The following FAF1 variants were observed in gnomAD, a reference collection of about 807,000 sequenced individuals.
The protein encoded by FAF1 is FAS-associated factor 1.
In FAF1, 25 loss-of-function variants were observed where a neutral mutation model predicts 92.5. The ratio of observed to expected loss-of-function variants is 0.27; its 90% CI spans 0.20 to 0.38. The LOEUF is 0.38. Among genes scored for constraint, FAF1 ranks in the 10% least tolerant of loss-of-function variants. FAF1 has a pLI of 1.00. For missense variants in FAF1, 636 were observed against 793.3 expected (o/e 0.80, Z 2.38); for synonymous variants, 234 against 273.2 (o/e 0.86, Z 1.42).
intron 1 of FAF1, among the ~76,000 whole-genome samples, chr1:50,954,574 G>A (rs1211856178): frequency 3.2e-5 from 4 of 126,038 alleles, no homozygotes; most frequent in Admixed American, 1.9e-4. Flanking sequence ...AGAGTCTTAC[G>A]CTGTCACCCA....
chr1:50,689,592 C>A (rs1236021875), intron 7 of FAF1, among the ~76,000 whole-genome samples: 9 of 151,672 alleles, frequency 5.9e-5, no homozygotes, highest in Admixed American at 4.6e-4. Flanking sequence ...TGAAAAAAAA[C>A]AAAAAACAAA....
intron 1 of FAF1, among the ~76,000 whole-genome samples, chr1:50,909,836 C>G (rs561012418): frequency 6.6e-6 from 1 of 152,264 alleles, no homozygotes; most frequent in East Asian, 1.9e-4. Context: ...CCCTTTAGCT[C>G]GGAGAAGTTT....
chr1:50,662,786 C>G lies in FAF1; in HGVS notation c.658-7258G>C, dbSNP rs559943983. On this transcript the variant is annotated intron_variant, in intron 7 of 18. Transcript: ENST00000396153. The stretch of plus-strand genomic sequence containing the variant: ...GATCTTGGCTCACTGCTGCTAGCGC[C>G]GCCTCCCGGGTTCACGTCATTCTCC... Among the ~76,000 whole-genome samples the G allele has an allele frequency of 1.8e-4, 27 of 146,512 alleles. 1 individual carries two copies. In the South Asian group the frequency reaches 4.8e-3, roughly 26 times the overall value.
intron 1 of FAF1, among the ~76,000 whole-genome samples, chr1:50,942,640 G>A (rs1645142611): frequency 6.6e-6 from 1 of 152,048 alleles, no homozygotes; most frequent in Non-Finnish European, 1.5e-5. Context: ...CTAACAACCT[G>A]GCCTGTTACA....
In FAF1 at chr1:50,522,878, A is replaced by G. The variant is rs145254959; in HGVS notation, c.1494+12491T>C. Among the ~76,000 whole-genome samples the G allele has an allele frequency of 2.8e-3, 434 of 152,286 alleles. 1 individual carries two copies. Among genetic ancestry groups the G allele is most frequent in the African/African-American group, 0.01 (421 of 41,564 alleles). ...TATTTCCTAACATTCTCATTACTCA[A>G]AAAGAAACTCTGTACCCTTTAAGCA... On this transcript the variant is annotated intron_variant, in intron 15 of 18. Coordinates refer to ENST00000396153, the MANE Select transcript of FAF1 (RefSeq NM_007051.3).
At chr1:50,663,600 T>G (rs938801169) in intron 7 of FAF1, among the ~76,000 whole-genome samples, 1 of 151,336 alleles carries the variant, frequency 6.6e-6, no homozygotes, top group Non-Finnish European at 1.5e-5. Flanking sequence ...AGACAGGGTT[T>G]CACCGTATTG....
chr1:50,477,178 G>A (rs951437936), intron 17 of FAF1, among the ~76,000 whole-genome samples: 8 of 152,158 alleles, frequency 5.3e-5, no homozygotes, highest in African/African-American at 1.9e-4. Context: ...TTTCTGCAAT[G>A]TATAGACAAA....
chr1:50,910,789 C>T lies in FAF1; in HGVS notation c.45+48978G>A, dbSNP rs539954782. ...TCCAGGTACCGTCTGTCACAGCTTC[C>T]CTTGGCTAGGAAAGGAAATTCCCCA... On this transcript the variant is annotated intron_variant, in intron 1 of 18. Transcript: ENST00000396153. Among the ~76,000 whole-genome samples the T allele has an allele frequency of 2.0e-5, 3 of 152,118 alleles. No homozygotes were observed. In the South Asian group the frequency reaches 6.2e-4, roughly 32 times the overall value.
intron 7 of FAF1, among the ~76,000 whole-genome samples, chr1:50,660,506 T>C (rs1322058206): frequency 6.6e-6 from 1 of 151,978 alleles, no homozygotes; most frequent in Non-Finnish European, 1.5e-5. Flanking sequence ...CTTTCTTTTT[T>C]TTTTTTTCCC....
At chr1:50,495,556 T>C (rs187098084) in intron 15 of FAF1, among the ~76,000 whole-genome samples, 1 of 152,352 alleles carries the variant, frequency 6.6e-6, no homozygotes, top group African/African-American at 2.4e-5. Flanking sequence ...CTGTGAACAA[T>C]GCTGCAACAA....
chr1:50,480,900 C>T (rs912950867), intron 17 of FAF1, among the ~76,000 whole-genome samples: 1 of 152,032 alleles, frequency 6.6e-6, no homozygotes, highest in African/African-American at 2.4e-5. Context: ...GTGTTACTGC[C>T]CCAAAGACTT....
chr1:50,494,538 T>C (rs1420056782), intron 15 of FAF1, among the ~76,000 whole-genome samples: 1 of 152,212 alleles, frequency 6.6e-6, no homozygotes, highest in Non-Finnish European at 1.5e-5. Context: ...TTGGGCTACT[T>C]GTCATTCAAA....
intron 8 of FAF1, among the ~76,000 whole-genome samples, chr1:50,616,070 A>G (rs1011316445): frequency 8.5e-5 from 13 of 152,200 alleles, no homozygotes; most frequent in Non-Finnish European, 1.6e-4. Flanking sequence ...ATTCCTTTGC[A>G]TATGGCTAGC....
intron 2 of FAF1, among the ~76,000 whole-genome samples, chr1:50,849,835 C>G (rs1644333391): frequency 2.6e-5 from 4 of 152,180 alleles, no homozygotes; most frequent in African/African-American, 9.7e-5. Context: ...CTAGTCATGG[C>G]TTTATTAAAG....
intron 4 of FAF1, among the ~76,000 whole-genome samples, chr1:50,750,265 G>C (rs1451622975): frequency 6.6e-6 from 1 of 152,156 alleles, no homozygotes; most frequent in Non-Finnish European, 1.5e-5. Context: ...GAATCCAATA[G>C]CATACTTTTG....
chr1:50,915,305 G>A (rs193153214), intron 1 of FAF1, among the ~76,000 whole-genome samples: 5 of 151,712 alleles, frequency 3.3e-5, no homozygotes, highest in African/African-American at 1.2e-4. Flanking sequence ...GGGAGGCGGA[G>A]GTTGCAGTGA....
At chr1:50,601,666 TCA>T (rs1376356152) in intron 8 of FAF1, among the ~76,000 whole-genome samples, 1 of 151,572 alleles carries the variant, frequency 6.6e-6, no homozygotes, top group East Asian at 1.9e-4. Flanking sequence ...TGGGTGAGAC[TCA>T]GTCTCAAACA....
In FAF1 at chr1:50,614,818, C is replaced by A. The variant is rs113391958; in HGVS notation, c.745-18602G>T. 1.8e-3 allele frequency among the ~76,000 whole-genome samples: 257 copies of A among 142,170 alleles called. 1 individual carries two copies. Among genetic ancestry groups the A allele is most frequent in the South Asian group, 0.012 (53 of 4,556 alleles). The allele number at this position is 142,170 out of a possible 152,430, so 93.3% of individuals were successfully genotyped here. On this transcript the variant is annotated intron_variant, in intron 8 of 18. Transcript: ENST00000396153. ...CGCGTCATTGCACTCCAGCCTGGGCCGCAACAGCGAAACTCCGTCTCAAAA... is the reference window on the plus strand; with the variant it reads ...CGCGTCATTGCACTCCAGCCTGGGCAGCAACAGCGAAACTCCGTCTCAAAA...
intron 13 of FAF1, among the ~76,000 whole-genome samples, chr1:50,548,351 C>G (rs1223333721): frequency 6.6e-6 from 1 of 152,110 alleles, no homozygotes; most frequent in African/African-American, 2.4e-5. Flanking sequence ...TCAGGGAGAA[C>G]TTGATGTTGT....
Sources: allele counts gnomAD v4.1 joint callset (sites outside exome capture counted in the v4.1 genomes callset), GRCh38; gene constraint gnomAD v4.1.1; transcripts MANE v1.5; gene names NCBI Gene and HGNC (gene_info 2026-07-23, HGNC 2026-07-21).